Variants in EVC observed in about 807,000 individuals in gnomAD.
EVC encodes the protein EvC ciliary complex subunit 1.
Under a neutral mutation model 118.9 loss-of-function variants are expected in EVC, and 116 were observed. The observed-to-expected ratio is 0.98, with a 90% CI of 0.84 to 1.14. EVC has a LOEUF of 1.14. Among genes scored for constraint, EVC ranks in the 50% most tolerant of loss-of-function variants. The pLI is 0.00. For synonymous variants in EVC, 619 were observed against 534.7 expected (o/e 1.16, Z -2.18); for missense variants, 1,401 against 1,246.4 (o/e 1.12, Z -1.87).
chr4:5,824,206 G>A, the EVC span: 182 of 761,866 alleles, frequency 2.4e-4, no homozygotes, highest in African/African-American at 3.3e-3. Context: ...CAAACTCCTT[G>A]AGAGCTTGTG....
chr4:5,823,014 T>G, the EVC span, among the ~76,000 whole-genome samples: 1 of 152,202 alleles, frequency 6.6e-6, no homozygotes, highest in African/African-American at 2.4e-5. Context: ...ACATCTGACT[T>G]TCTTTACCGA....
rs1331718909 is a variant in EVC at position 5,802,012 on chromosome 4, G to A, written c.2367G>A (p.Leu789=). ...TGACCAGCGCTGGTGTCAGCCGCCT[G>A]GTGCAGGCGTATTACCAGCAAATCG... The part of the protein sequence containing the change: ...VYVTSAGVSR[L]VQAYYQQIGR... The change falls in exon 16 of 21, where the codon CTG becomes CTA. Residue 789 remains leucine, a synonymous_variant. Transcript: ENST00000264956. 6 of 1,614,212 alleles carry A rather than the reference G, an allele frequency of 3.7e-6. No homozygotes were observed. The highest frequency in any genetic ancestry group is 5.1e-6 in the Non-Finnish European group (6 of 1,180,044).
chr4:5,723,191 C>CT (rs542977317), intron 2 of EVC, among the ~76,000 whole-genome samples: 19,553 of 140,684 alleles, frequency 0.14, 1,562 homozygotes, highest in East Asian at 0.22. Flanking sequence ...TCCTTTCCTT[C>CT]TTTTTTTTTT....
At chr4:5,727,459 AT>A (rs1726048558) in intron 2 of EVC, among the ~76,000 whole-genome samples, 1 of 152,040 alleles carries the variant, frequency 6.6e-6, no homozygotes, top group Non-Finnish European at 1.5e-5. Flanking sequence ...TTCATTGTAG[AT>A]TCTGGATATT....
At position 5,753,877 on chromosome 4, in the gene EVC, C is replaced by T; in HGVS notation, c.1408C>T (p.Gln470Ter). 6.2e-7 allele frequency: 1 copy of T among 1,613,986 alleles called. No individual in the cohort carries two copies. Among genetic ancestry groups the T allele is most frequent in the Non-Finnish European group, 8.5e-7 (1 of 1,180,046 alleles). Reference sequence around the variant, plus strand: ...ACTCACGCTGGCCCAAGAGGAGGAACAGAGAAGCTTCCTGGCTGAGGCCCA... The same window carrying T: ...ACTCACGCTGGCCCAAGAGGAGGAATAGAGAAGCTTCCTGGCTGAGGCCCA... Reference protein sequence around the residue: ...AKLTLAQEEEQRSFLAEAQPT... With the variant: ...AKLTLAQEEE The change falls in exon 10 of 21, where the codon CAG becomes TAG. Residue 470 changes from glutamine to a stop codon, truncating the protein, a stop_gained. Transcript: ENST00000264956. LOFTEE classifies it high-confidence loss of function.
intron 1 of EVC, among the ~76,000 whole-genome samples, chr4:5,714,212 C>T (rs936273341): frequency 2.0e-5 from 3 of 152,070 alleles, no homozygotes; most frequent in African/African-American, 7.2e-5. Context: ...GCTTTGTAGG[C>T]ACTGTTTGTT....
chr4:5,718,618 G>A (rs71597787), intron 1 of EVC, among the ~76,000 whole-genome samples: 18,788 of 152,194 alleles, frequency 0.12, 1,586 homozygotes, highest in East Asian at 0.32. Context: ...AACTGAGCAC[G>A]TGCATGCTGG....
At chr4:5,788,400 G>A (rs1030975239) in intron 12 of EVC, among the ~76,000 whole-genome samples, 4 of 152,132 alleles carry the variant, frequency 2.6e-5, no homozygotes, top group African/African-American at 7.2e-5. Flanking sequence ...CTCAAGGGTC[G>A]TTGGACTGAG....
chr4:5,828,399 T>G, the EVC span: 1 of 1,507,148 alleles, frequency 6.6e-7, no homozygotes, highest in Non-Finnish European at 8.9e-7. Flanking sequence ...ATGACATTAT[T>G]AACTCTGCAC....
the EVC span, chr4:5,828,101 G>A: frequency 1.0e-6 from 1 of 985,460 alleles, no homozygotes; most frequent in Non-Finnish European, 1.2e-6. Context: ...GGGTTTCTGA[G>A]CCGTGACTCT....
chr4:5,719,160 G>C lies in EVC; in HGVS notation c.175-88G>C. On this transcript the variant is annotated intron_variant, in intron 1 of 20. Transcript: ENST00000264956. The surrounding 1 kb of genome is among the most constrained non-coding windows in gnomAD (Gnocchi z 4.7). Reference sequence around the variant, plus strand: ...AAGTGGCTGCTGGACTGGGGGAGTTGACTGGCAAAAGTCACGGTGGGGACC... The same window carrying C: ...AAGTGGCTGCTGGACTGGGGGAGTTCACTGGCAAAAGTCACGGTGGGGACC... The C allele has an allele frequency of 1.3e-6, 2 of 1,571,046 alleles. No homozygotes were observed. Among genetic ancestry groups the C allele is most frequent in the Non-Finnish European group, 1.7e-6 (2 of 1,144,100 alleles).
chr4:5,804,021 AC>A (rs1715454413), intron 16 of EVC, among the ~76,000 whole-genome samples: 1 of 151,324 alleles, frequency 6.6e-6, no homozygotes, highest in African/African-American at 2.4e-5. Context: ...GCTCACTGCA[AC>A]CTCTGCTTCC....
chr4:5,772,200 C>G (rs896442778), intron 11 of EVC, among the ~76,000 whole-genome samples: 17 of 152,236 alleles, frequency 1.1e-4, no homozygotes, highest in South Asian at 6.2e-4. Flanking sequence ...CTGGCTGTGG[C>G]TTTTTATTTT....
chr4:5,741,764 A>G lies in EVC; in HGVS notation c.751A>G (p.Lys251Glu). 6.4e-7 allele frequency: 1 copy of G among 1,574,062 alleles called. No individual in the cohort carries two copies. The highest frequency in any genetic ancestry group is 8.7e-7 in the Non-Finnish European group (1 of 1,145,074). Residue 251 changes from lysine to glutamate, a missense_variant, in exon 6 of 21, where the codon AAG (lysine) becomes GAG (glutamate). Lys to Glu is a moderately conservative substitution (Grantham distance 56). Coordinates refer to ENST00000264956, the MANE Select transcript of EVC (RefSeq NM_153717.3). Reference sequence around the variant, plus strand: ...GTGCCTCCTTGACCTTCTTCCTAAAAAGAAGTCAGATGATGAACTATACCA... The same window carrying G: ...GTGCCTCCTTGACCTTCTTCCTAAAGAGAAGTCAGATGATGAACTATACCA... ...KMCLLDLLPK[K>E]KSDDELYQKI...
chr4:5,800,582 C>A (rs1368231469), intron 15 of EVC, among the ~76,000 whole-genome samples: 1 of 152,012 alleles, frequency 6.6e-6, no homozygotes, highest in Non-Finnish European at 1.5e-5. Context: ...CGCCACTTTA[C>A]TGTGGCAGGA....
In EVC at chr4:5,804,969, C is replaced by T; in HGVS notation, c.2561+128C>T. On this transcript the variant is annotated intron_variant, in intron 17 of 20. Transcript: ENST00000264956. ...GTGGACTTGGGGGCCATCGGCCTTCCTCACCCGCTGCCTCTGTCCTGGTCT... is the reference window on the plus strand; with the variant it reads ...GTGGACTTGGGGGCCATCGGCCTTCTTCACCCGCTGCCTCTGTCCTGGTCT... 3 of 800,076 alleles carry T rather than the reference C, an allele frequency of 3.7e-6. No homozygotes were observed. In the South Asian group the frequency reaches 4.4e-5, roughly 12 times the overall value. The allele number at this position is 800,076 out of a possible 1,614,324, so 49.6% of individuals were successfully genotyped here.
downstream of EVC, among the ~76,000 whole-genome samples, chr4:5,816,176 C>G (rs1181181436): frequency 6.6e-6 from 1 of 152,152 alleles, no homozygotes; most frequent in Non-Finnish European, 1.5e-5. Flanking sequence ...TGGACTTGGT[C>G]CACTTCCTGA....
intron 1 of EVC, among the ~76,000 whole-genome samples, chr4:5,713,676 CA>C (rs35032068): frequency 0.055 from 3,912 of 71,616 alleles, 53 homozygotes; most frequent in Middle Eastern, 0.081. Context: ...GGCTCCGTCT[CA>C]AAAAAAAAAA....
At chr4:5,772,799 C>T (rs760850396) in intron 11 of EVC, among the ~76,000 whole-genome samples, 1 of 152,144 alleles carries the variant, frequency 6.6e-6, no homozygotes, top group Non-Finnish European at 1.5e-5. Context: ...TCTCTCAGTT[C>T]CCCCAAGGGT....
Sources: gnomAD v4.1 joint callset for allele counts (sites outside exome capture counted in the v4.1 genomes callset) on GRCh38, gnomAD v4.1.1 for gene constraint, Gnocchi (gnomAD v3.1) non-coding constraint, MANE v1.5 for transcripts, NCBI Gene and HGNC (gene_info 2026-07-23, HGNC 2026-07-21) for gene names.